KIAA1217: variants seen among roughly 807,000 people sequenced by gnomAD.
The protein encoded by KIAA1217 is sickle tail protein homolog.
In KIAA1217, 88 loss-of-function variants were observed where a neutral mutation model predicts 163.9. The observed-to-expected ratio is 0.54, with a 90% CI of 0.45 to 0.64. The LOEUF is 0.64. Ranked by LOEUF, KIAA1217 falls within the 30% of genes least tolerant of loss-of-function variation. KIAA1217 has a pLI of 0.00. For synonymous variants in KIAA1217, 903 were observed against 923.1 expected (o/e 0.98, Z 0.39); for missense variants, 2,372 against 2,475.0 (o/e 0.96, Z 0.88).
intron 1 of KIAA1217, among the ~76,000 whole-genome samples, chr10:23,962,223 T>C (rs568625329): frequency 2.0e-5 from 3 of 152,344 alleles, no homozygotes; most frequent in East Asian, 3.9e-4. Context: ...TGGATTAGAA[T>C]ATTGCTTTGG....
chr10:24,401,966 A>G (rs1160638508), intron 3 of KIAA1217, among the ~76,000 whole-genome samples: 1 of 152,256 alleles, frequency 6.6e-6, no homozygotes, highest in Non-Finnish European at 1.5e-5. Context: ...TCCAGAGAAC[A>G]TGAAATACTT....
At chr10:24,082,707 T>G (rs981397710) in intron 2 of KIAA1217, among the ~76,000 whole-genome samples, 1 of 152,244 alleles carries the variant, frequency 6.6e-6, no homozygotes, top group African/African-American at 2.4e-5. Context: ...AATGAACATA[T>G]GTGTGCATGT....
At chr10:24,092,928 T>TTGTGTGTGTGTGTGTG (rs72267704) in intron 2 of KIAA1217, among the ~76,000 whole-genome samples, 7 of 141,068 alleles carry the variant, frequency 5.0e-5, no homozygotes, top group African/African-American at 1.9e-4. Context: ...TGTGTGTGTG[T>TTGTGTGTGTGTGTGTG]TGTGTGTGTG....
At chr10:23,787,097 G>C (rs1386182329) in intron 1 of KIAA1217, among the ~76,000 whole-genome samples, 1 of 152,122 alleles carries the variant, frequency 6.6e-6, no homozygotes, top group African/African-American at 2.4e-5. Context: ...CCACAAGATA[G>C]TAAAAATGCG....
intron 2 of KIAA1217, among the ~76,000 whole-genome samples, chr10:24,066,886 A>C (rs1460790310): frequency 3.3e-5 from 5 of 151,884 alleles, no homozygotes; most frequent in African/African-American, 1.2e-4. Flanking sequence ...ACTTCATTTC[A>C]TTCATTTTGT....
At chr10:24,053,810 C>A (rs1161481444) in intron 2 of KIAA1217, among the ~76,000 whole-genome samples, 2 of 151,980 alleles carry the variant, frequency 1.3e-5, no homozygotes, top group Non-Finnish European at 2.9e-5. Flanking sequence ...TATTTATATA[C>A]AAAATGGCAT....
intron 2 of KIAA1217, among the ~76,000 whole-genome samples, chr10:24,336,170 G>A (rs1373083414): frequency 1.3e-5 from 2 of 152,136 alleles, no homozygotes; most frequent in Admixed American, 1.3e-4. Flanking sequence ...TGAACATGGG[G>A]AGGTGGAAGT....
chr10:24,234,061 A>G (rs2071832860), intron 2 of KIAA1217, among the ~76,000 whole-genome samples: 3 of 151,984 alleles, frequency 2.0e-5, no homozygotes, highest in Non-Finnish European at 4.4e-5. Flanking sequence ...TCTGTCAGGT[A>G]TGCCTTATCA....
chr10:23,750,092 A>T lies in KIAA1217; in HGVS notation c.-321+54858A>T, dbSNP rs1437193564. ...AACTCCATTCCCACAGCTTCTGGCCATCATCATCTACTACCTAGGCCATTG... is the reference window on the plus strand; with the variant it reads ...AACTCCATTCCCACAGCTTCTGGCCTTCATCATCTACTACCTAGGCCATTG... On this transcript the variant is annotated intron_variant, in intron 1 of 18. Transcript: ENST00000376462. Among the ~76,000 whole-genome samples the T allele has an allele frequency of 4.0e-5, 6 of 151,790 alleles. 1 individual carries two copies. Among genetic ancestry groups the T allele is most frequent in the Non-Finnish European group, 8.8e-5 (6 of 68,008 alleles).
At chr10:24,462,834 T>C (rs1293782983) in intron 5 of KIAA1217, among the ~76,000 whole-genome samples, 1 of 152,174 alleles carries the variant, frequency 6.6e-6, no homozygotes, top group Non-Finnish European at 1.5e-5. Context: ...ACAAGTTACA[T>C]AGTAGTTTCA....
intron 9 of KIAA1217, among the ~76,000 whole-genome samples, chr10:24,505,423 T>C (rs1235556190): frequency 6.6e-6 from 1 of 152,050 alleles, no homozygotes; most frequent in Non-Finnish European, 1.5e-5. Context: ...TATGTTTGCC[T>C]GTTACCTTTC....
intron 2 of KIAA1217, among the ~76,000 whole-genome samples, chr10:24,026,794 T>G (rs1484832819): frequency 6.6e-6 from 1 of 150,830 alleles, no homozygotes; most frequent in Non-Finnish European, 1.5e-5. Flanking sequence ...TTCTGCTTAT[T>G]TTAGATTTAT....
chr10:23,711,921 G>A (rs926918209), intron 1 of KIAA1217, among the ~76,000 whole-genome samples: 10 of 152,140 alleles, frequency 6.6e-5, no homozygotes, highest in African/African-American at 2.4e-4. Flanking sequence ...CTAAAATGTG[G>A]GAATCGCAGA....
Position 24,475,981 on chromosome 10 carries a change from G to A in KIAA1217, c.1679+1921G>A, listed in dbSNP as rs573824579. On this transcript the variant is annotated intron_variant, in intron 6 of 20. Coordinates refer to ENST00000376454, the MANE Select transcript of KIAA1217 (RefSeq NM_019590.5). The stretch of plus-strand genomic sequence containing the variant: ...TTGTCTCCTGCATATAATGTTGAGA[G>A]CCAGAATCCTACCTCCCACACTGAC... Among the ~76,000 whole-genome samples the A allele has an allele frequency of 3.3e-5, 5 of 152,264 alleles. No homozygotes were observed. In the East Asian group the frequency reaches 9.6e-4, roughly 29 times the overall value.
intron 5 of KIAA1217, among the ~76,000 whole-genome samples, chr10:24,439,663 T>C (rs537414044): frequency 3.5e-4 from 53 of 151,890 alleles, no homozygotes; most frequent in African/African-American, 1.3e-3. Context: ...TTTTTTTTTT[T>C]TCCCCCAACT....
chr10:24,408,232 C>G (rs2057417118), intron 3 of KIAA1217, among the ~76,000 whole-genome samples: 1 of 152,178 alleles, frequency 6.6e-6, no homozygotes, highest in Non-Finnish European at 1.5e-5. Flanking sequence ...GTGCCTGAAC[C>G]ATAACAAACA....
intron 1 of KIAA1217, among the ~76,000 whole-genome samples, chr10:23,918,004 T>C (rs1842693055): frequency 6.6e-6 from 1 of 151,514 alleles, no homozygotes; most frequent in African/African-American, 2.4e-5. Context: ...AGGCAAGACA[T>C]TTTTTATCCC....
intron 10 of KIAA1217, among the ~76,000 whole-genome samples, chr10:24,518,117 C>G (rs1409006292): frequency 6.6e-6 from 1 of 152,094 alleles, no homozygotes; most frequent in Non-Finnish European, 1.5e-5. Context: ...TTCTTTTTAA[C>G]AAAGCTAGGA....
intron 2 of KIAA1217, among the ~76,000 whole-genome samples, chr10:24,154,065 C>A (rs919651550): frequency 4.7e-5 from 7 of 150,210 alleles, no homozygotes; most frequent in African/African-American, 1.7e-4. Flanking sequence ...TCACGCCATT[C>A]TTCTGCCTCA....
Sources: allele counts gnomAD v4.1 joint callset (sites outside exome capture counted in the v4.1 genomes callset), GRCh38; gene constraint gnomAD v4.1.1; transcripts MANE v1.5; gene names NCBI Gene and HGNC (gene_info 2026-07-23, HGNC 2026-07-21).